Variants in ARHGEF3 observed in about 807,000 individuals in gnomAD.
ARHGEF3 encodes Rho guanine nucleotide exchange factor 3.
In ARHGEF3, 28 loss-of-function variants were observed where a neutral mutation model predicts 63.2. The observed-to-expected ratio is 0.44, with a 90% CI of 0.33 to 0.61. The LOEUF (loss-of-function observed/expected upper bound fraction) is 0.61, where lower values mean the gene tolerates loss of function less well. Among genes scored for constraint, ARHGEF3 ranks in the 20% least tolerant of loss-of-function variants. The pLI is 0.03. For missense variants in ARHGEF3, 533 were observed against 659.3 expected, an observed-to-expected ratio of 0.81 and a Z score of 2.10; for synonymous variants, 266 against 254.2, an observed-to-expected ratio of 1.05 and a Z score of -0.44.
chr3:56,752,583 G>A (rs1285255617), intron 4 of ARHGEF3, among the ~76,000 whole-genome samples: 2 of 152,194 alleles, frequency 1.3e-5, no homozygotes, highest in Non-Finnish European at 2.9e-5. Flanking sequence ...TGGTTGAAAC[G>A]AAAGAGAAAA....
In ARHGEF3 at chr3:56,729,485, C is replaced by A. The variant is rs139172951; in HGVS notation, c.1366G>T (p.Gly456Trp). 1.2e-6 allele frequency: 2 copies of A among 1,614,126 alleles called. No individual in the cohort carries two copies. Among genetic ancestry groups the A allele is most frequent in the South Asian group, 1.1e-5 (1 of 91,074 alleles). Reference protein sequence around the residue: ...QAKETVLCAAGQAGVLDSEGS... With the variant: ...QAKETVLCAAWQAGVLDSEGS... ...TCGGAGTCAAGCACCCCAGCTTGCC[C>A]GGCAGCACACAAAACTGTTTCTTTG... Residue 456 changes from glycine (G) to tryptophan (W), a missense_variant, in exon 10 of 10, where the codon GGG becomes TGG. Gly to Trp is a radical substitution (Grantham distance 184). Transcript: ENST00000296315.
In ARHGEF3 at chr3:56,795,655, C is replaced by T. The variant is rs377438087; in HGVS notation, c.96+6048G>A. On this transcript the variant is annotated intron_variant, in intron 1 of 9. Transcript: ENST00000296315. Reference sequence around the variant, plus strand: ...TTAACTTGTGACACAGTCTCTCTCTCTTTTTTTTTTTTGAAGATGGACTCT... The same window carrying T: ...TTAACTTGTGACACAGTCTCTCTCTTTTTTTTTTTTTTGAAGATGGACTCT... 1.9e-3 allele frequency among the ~76,000 whole-genome samples: 248 copies of T among 130,560 alleles called. 1 individual carries two copies. Among genetic ancestry groups the T allele is most frequent in the African/African-American group, 3.4e-3 (115 of 34,236 alleles). The allele number at this position is 130,560 out of a possible 152,430, so 85.7% of individuals were successfully genotyped here.
intron 3 of ARHGEF3, among the ~76,000 whole-genome samples, chr3:56,912,030 G>A (rs936221416): frequency 7.2e-5 from 11 of 151,790 alleles, no homozygotes; most frequent in Non-Finnish European, 1.3e-4. Context: ...AAAGTAGCTA[G>A]TCAGCCAATT....
chr3:56,895,191 A>G (rs571402818), intron 3 of ARHGEF3, among the ~76,000 whole-genome samples: 1 of 151,896 alleles, frequency 6.6e-6, no homozygotes, highest in East Asian at 1.9e-4. Context: ...ACTTCTTTCC[A>G]GGCGCTGCAT....
At chr3:56,812,583 T>C (rs2038108108) in intron 4 of ARHGEF3, among the ~76,000 whole-genome samples, 1 of 152,252 alleles carries the variant, frequency 6.6e-6, no homozygotes, top group Admixed American at 6.5e-5. Flanking sequence ...TCTACAAAAA[T>C]GTTTTTTTCC....
At chr3:56,816,877 A>T (rs1380293640) in intron 4 of ARHGEF3, among the ~76,000 whole-genome samples, 2 of 152,218 alleles carry the variant, frequency 1.3e-5, no homozygotes, top group African/African-American at 4.8e-5. Context: ...CCTATGATGC[A>T]AGGGTCAAGG....
rs1467963691 is a variant in ARHGEF3 at position 56,892,849 on chromosome 3, T to C, written c.130-10495A>G. Among the ~76,000 whole-genome samples the C allele has an allele frequency of 2.6e-5, 4 of 152,238 alleles. No homozygotes were observed. In the East Asian group the frequency reaches 5.8e-4, roughly 22 times the overall value. On this transcript the variant is annotated intron_variant, in intron 3 of 12. Transcript: ENST00000338458. ...TCAGCCACAACACCCCATGGGTTCA[T>C]GAACAGTTCCCCAAATGCCAACGGG...
chr3:56,821,345 C>T (rs1344958464), intron 4 of ARHGEF3, among the ~76,000 whole-genome samples: 1 of 152,126 alleles, frequency 6.6e-6, no homozygotes, highest in East Asian at 1.9e-4. Flanking sequence ...GCTAATTATA[C>T]TATCCTCTCT....
intron 4 of ARHGEF3, among the ~76,000 whole-genome samples, chr3:56,869,589 G>C (rs182003520): frequency 5.9e-5 from 9 of 152,308 alleles, no homozygotes; most frequent in Admixed American, 5.9e-4. Flanking sequence ...TCTCTTCACA[G>C]AGAACAGGTA....
intron 3 of ARHGEF3, among the ~76,000 whole-genome samples, chr3:56,949,932 G>T (rs987093683): frequency 1.6e-4 from 24 of 152,072 alleles, no homozygotes; most frequent in African/African-American, 7.2e-5. Context: ...CCAAAACAGA[G>T]ATATAGACCA....
chr3:56,791,118 C>G (rs545842516), intron 1 of ARHGEF3, among the ~76,000 whole-genome samples: 2 of 152,082 alleles, frequency 1.3e-5, no homozygotes, highest in Non-Finnish European at 2.9e-5. Context: ...TAAGATATGT[C>G]GTGGCCAGAA....
intron 2 of ARHGEF3, among the ~76,000 whole-genome samples, chr3:56,994,584 G>A (rs1437372676): frequency 6.6e-6 from 1 of 151,306 alleles, no homozygotes; most frequent in African/African-American, 2.4e-5. Flanking sequence ...CACCACCCTC[G>A]CTGAAGAGTT....
intron 2 of ARHGEF3, among the ~76,000 whole-genome samples, chr3:56,986,818 AAAGAT>A: frequency 6.6e-6 from 1 of 152,020 alleles, no homozygotes; most frequent in East Asian, 1.9e-4. Context: ...TGAAAAAAAA[AAAGAT>A]AAAAATAAAA....
chr3:56,979,722 G>A (rs748542667), intron 2 of ARHGEF3, among the ~76,000 whole-genome samples: 109 of 152,354 alleles, frequency 7.2e-4, no homozygotes, highest in African/African-American at 1.7e-3. Context: ...GCCAGCCAAC[G>A]AGGATGTGAA....
intron 1 of ARHGEF3, among the ~76,000 whole-genome samples, chr3:56,798,660 T>C (rs1480674815): frequency 1.3e-5 from 2 of 152,200 alleles, no homozygotes; most frequent in Non-Finnish European, 2.9e-5. Flanking sequence ...TTTTAGTGAT[T>C]TGATCAGGTG....
chr3:57,014,241 C>T (rs567830066), intron 2 of ARHGEF3, among the ~76,000 whole-genome samples: 37 of 152,296 alleles, frequency 2.4e-4, no homozygotes, highest in Non-Finnish European at 3.7e-4. Flanking sequence ...GAACAAACTC[C>T]GGACACACCA....
chr3:56,899,777 C>G (rs888905135), intron 3 of ARHGEF3, among the ~76,000 whole-genome samples: 47 of 152,214 alleles, frequency 3.1e-4, no homozygotes, highest in African/African-American at 1.1e-3. Flanking sequence ...GAAAGCAACT[C>G]TCTGTTCCCC....
At chr3:56,871,450 C>A (rs1362937231) in intron 4 of ARHGEF3, among the ~76,000 whole-genome samples, 1 of 151,790 alleles carries the variant, frequency 6.6e-6, no homozygotes, top group African/African-American at 2.4e-5. Flanking sequence ...AAACTAAAAA[C>A]TAAAAACAAA....
chr3:56,881,691 T>C (rs6445834), intron 4 of ARHGEF3, among the ~76,000 whole-genome samples: 95,912 of 152,090 alleles, frequency 0.63, 30,616 homozygotes, highest in African/African-American at 0.65. Flanking sequence ...GCCCAGTATG[T>C]ACAGGCAATG....
Sources: allele counts gnomAD v4.1 joint callset (sites outside exome capture counted in the v4.1 genomes callset), GRCh38; gene constraint gnomAD v4.1.1; transcripts MANE v1.5; gene names NCBI Gene and HGNC (gene_info 2026-07-23, HGNC 2026-07-21).